Variants in CNDP2 observed in about 807,000 individuals in gnomAD.
CNDP2 encodes the protein cytosolic non-specific dipeptidase.
CNDP2 carries 38 observed loss-of-function variants against 55.0 expected under a neutral mutation model. That is an observed-to-expected ratio of 0.69 (90% CI 0.53 to 0.90). CNDP2 has a LOEUF of 0.90. CNDP2 is among the 40% of genes least tolerant of loss of function. CNDP2 has a pLI of 0.00. For synonymous variants in CNDP2, 241 were observed against 260.2 expected, an observed-to-expected ratio of 0.93 and a Z score of 0.71; for missense variants, 607 against 621.7, an observed-to-expected ratio of 0.98 and a Z score of 0.25.
At chr18:74,513,508 G>A (rs8090744) in intron 7 of CNDP2, 51 bp from the exon 8 acceptor site, 48,617 of 1,553,184 alleles carry the variant, frequency 0.031, 1,910 homozygotes, top group African/African-American at 0.19. Flanking sequence ...AGAGCAGCTC[G>A]CCTTGGTGCG....
intron 6 of CNDP2, 199 bp downstream of exon 6, chr18:74,511,212 T>G (rs1979336963): frequency 1.7e-6 from 1 of 592,300 alleles, no homozygotes; most frequent in African/African-American, 1.9e-5. Context: ...TGATCAGAAG[T>G]TAATCTCACA....
intron 3 of CNDP2, among the ~76,000 whole-genome samples, chr18:74,502,157 A>T (rs910414102): frequency 6.6e-6 from 1 of 152,168 alleles, no homozygotes; most frequent in African/African-American, 2.4e-5. Context: ...AAATGCTAGG[A>T]TTACAGGTGT....
In CNDP2 at chr18:74,512,817, C is replaced by A. The variant is rs1347954760; in HGVS notation, c.742+285C>A. The stretch of plus-strand genomic sequence containing the variant: ...ACCCCCAGGTCCTGTCTGGCCAAGC[C>A]CCTCGAGGCACGTGGTGCTGTCCTT... On this transcript the variant is annotated intron_variant, in intron 7 of 11. Coordinates refer to ENST00000324262, the MANE Select transcript of CNDP2 (RefSeq NM_018235.3). 2.0e-5 allele frequency among the ~76,000 whole-genome samples: 3 copies of A among 152,164 alleles called. No homozygotes were observed. In the East Asian group the frequency reaches 5.8e-4, roughly 29 times the overall value.
chr18:74,498,200 G>A (rs1599057049), intron 1 of CNDP2, among the ~76,000 whole-genome samples: 1 of 152,094 alleles, frequency 6.6e-6, no homozygotes. Flanking sequence ...TAGGCGATTC[G>A]TTGTTGTGTG....
At chr18:74,512,982 C>T (rs1979442274) in intron 7 of CNDP2, among the ~76,000 whole-genome samples, 2 of 152,224 alleles carry the variant, frequency 1.3e-5, no homozygotes, top group African/African-American at 4.8e-5. Flanking sequence ...CCGGTGTCCT[C>T]CTGCTCTCAG....
chr18:74,512,201 A>C, intron 6 of CNDP2: 2 of 444,778 alleles, frequency 4.5e-6, no homozygotes, highest in Non-Finnish European at 4.1e-6. Flanking sequence ...GCCCTGTGGA[A>C]TGCTTGTACC....
Position 74,518,605 on chromosome 18 carries a change from C to T in CNDP2, c.1175C>T (p.Pro392Leu), listed in dbSNP as rs1230271132. Reference sequence around the variant, plus strand: ...CCCTGGGTCTCCGACTTCAGTCACCCTCATTACCTGGCTGGGAGAAGAGCC... The same window carrying T: ...CCCTGGGTCTCCGACTTCAGTCACCTTCATTACCTGGCTGGGAGAAGAGCC... ...GKPWVSDFSH[P>L]HYLAGRRAMK... The change falls in exon 10 of 12, where the codon CCT becomes CTT. Residue 392 changes from proline to leucine, a missense_variant. Pro to Leu is a moderately conservative substitution (Grantham distance 98). Transcript: ENST00000324262. 2 of 1,614,118 alleles carry T rather than the reference C, an allele frequency of 1.2e-6. No individual in the cohort carries two copies. The highest frequency in any genetic ancestry group is 2.2e-5 in the East Asian group (1 of 44,886).
chr18:74,520,093 C>T lies in CNDP2; in HGVS notation c.*25C>T, dbSNP rs777928258. 6.2e-7 allele frequency: 1 copy of T among 1,611,882 alleles called. No homozygotes were observed. Among genetic ancestry groups the T allele is most frequent in the East Asian group, 2.2e-5 (1 of 44,866 alleles). On this transcript the variant is annotated 3_prime_UTR_variant, in exon 12 of 12. Transcript: ENST00000324262. ...GGCCAAGCCCTCTGTGTGCCATCTC[C>T]AATGAGAAGGAATCCTGCCCTCACC...
chr18:74,510,812 G>A lies in CNDP2; in HGVS notation c.457-1G>A, dbSNP rs1460505386. ...CCACTCGTGCTGTTCCCTTCTCACA[G>A]GAGATTCCTGTCAACGTCCGATTCT... On this transcript the variant is annotated splice_acceptor_variant, in intron 5 of 11. Coordinates refer to ENST00000324262, the MANE Select transcript of CNDP2 (RefSeq NM_018235.3). LOFTEE classifies it high-confidence loss of function. The A allele has an allele frequency of 6.2e-7, 1 of 1,612,988 alleles. No individual in the cohort carries two copies. Among genetic ancestry groups the A allele is most frequent in the Non-Finnish European group, 8.5e-7 (1 of 1,179,426 alleles).
intron 5 of CNDP2, among the ~76,000 whole-genome samples, chr18:74,510,380 G>A (rs1041763501): frequency 1.3e-5 from 2 of 152,176 alleles, no homozygotes; most frequent in African/African-American, 2.4e-5. Context: ...CCAGACACAC[G>A]GCAAGGTGGG....
intron 6 of CNDP2, 193 bp downstream of exon 6, chr18:74,511,206 CAGA>C: frequency 1.7e-6 from 1 of 594,644 alleles, no homozygotes. Flanking sequence ...TTCCAGTGAT[CAGA>C]AGTTAATCTC....
chr18:74,504,928 A>G (rs1459184975), intron 3 of CNDP2: 1 of 152,206 alleles, frequency 6.6e-6, no homozygotes, highest in Admixed American at 6.5e-5. Flanking sequence ...GAAAACTGGA[A>G]AAGACCTAAG....
chr18:74,504,386 C>T (rs1428463326), intron 3 of CNDP2, among the ~76,000 whole-genome samples: 4 of 152,294 alleles, frequency 2.6e-5, no homozygotes, highest in Non-Finnish European at 4.4e-5. Flanking sequence ...TCAGGCCACA[C>T]GCAGCACACT....
At chr18:74,511,429 G>A (rs532153741) in intron 6 of CNDP2, among the ~76,000 whole-genome samples, 30 of 152,266 alleles carry the variant, frequency 2.0e-4, no homozygotes, top group African/African-American at 6.3e-4. Context: ...AACCGAGGCC[G>A]GGTGCAGTGG....
In CNDP2 at chr18:74,519,101, G is replaced by C. The variant is rs748196451; in HGVS notation, c.1358+5G>C. On this transcript the variant is annotated splice_donor_5th_base_variant and intron_variant, in intron 11 of 11. Transcript: ENST00000324262. ...CCAGAATGAAAAGCTCAACAGGTGAGAGTCCAGGGTGCGGCCCAGGTTGGC... is the reference window on the plus strand; with the variant it reads ...CCAGAATGAAAAGCTCAACAGGTGACAGTCCAGGGTGCGGCCCAGGTTGGC... 6.2e-7 allele frequency: 1 copy of C among 1,604,260 alleles called. No homozygotes were observed. Among genetic ancestry groups the C allele is most frequent in the Non-Finnish European group, 8.5e-7 (1 of 1,172,660 alleles).
Position 74,516,341 on chromosome 18 carries a change from G to C in CNDP2, c.1017G>C (p.Lys339Asn). ...KTVIPRKVVG[K>N]FSIRLVPNMT... is the part of the protein sequence containing the mutation. The stretch of plus-strand genomic sequence containing the variant: ...TGATTCCCAGGAAGGTGGTTGGCAA[G>C]TTCTCCATCAGGCTCGTGCCGAACA... The change falls in exon 9 of 12, where the codon AAG becomes AAC. Residue 339 changes from lysine to asparagine, a missense_variant. Coordinates refer to ENST00000324262, the MANE Select transcript of CNDP2 (RefSeq NM_018235.3). 1.2e-6 allele frequency: 2 copies of C among 1,614,068 alleles called. No homozygotes were observed. The highest frequency in any genetic ancestry group is 1.1e-5 in the South Asian group (1 of 91,080).
intron 11 of CNDP2, among the ~76,000 whole-genome samples, chr18:74,519,346 C>T (rs1261418362): frequency 6.6e-6 from 1 of 152,218 alleles, no homozygotes; most frequent in Non-Finnish European, 1.5e-5. Flanking sequence ...CTCTCCATTT[C>T]CTTTTTTTCC....
At chr18:74,518,363 T>C in intron 9 of CNDP2, 136 bp from the exon 10 acceptor site, 1 of 844,422 alleles carries the variant, frequency 1.2e-6, no homozygotes, top group Non-Finnish European at 1.9e-6. Flanking sequence ...AGACTCAGCA[T>C]AGACCCATCA....
chr18:74,498,519 A>G (rs1978524056), intron 1 of CNDP2, among the ~76,000 whole-genome samples: 1 of 152,224 alleles, frequency 6.6e-6, no homozygotes, highest in Non-Finnish European at 1.5e-5. Context: ...ACAAGAGAAT[A>G]ATATTAATGA....
Sources: allele counts gnomAD v4.1 joint callset (sites outside exome capture counted in the v4.1 genomes callset), GRCh38; gene constraint gnomAD v4.1.1; transcripts MANE v1.5; gene names NCBI Gene and HGNC (gene_info 2026-07-23, HGNC 2026-07-21).